Variants in THSD7B observed in about 807,000 individuals in gnomAD.
THSD7B encodes thrombospondin type 1 domain containing 7B.
THSD7B carries 138 observed loss-of-function variants against 213.6 expected under a neutral mutation model. That is an observed-to-expected ratio of 0.65 (90% confidence interval 0.56 to 0.74). The LOEUF (loss-of-function observed/expected upper bound fraction) is 0.74, where lower values mean the gene tolerates loss of function less well. Ranked by LOEUF, THSD7B falls within the 30% of genes least tolerant of loss-of-function variation. The pLI is 0.00. For synonymous variants in THSD7B, 742 were observed against 687.0 expected, an observed-to-expected ratio of 1.08 and a Z score of -1.25; for missense variants, 1,931 against 1,991.5, an observed-to-expected ratio of 0.97 and a Z score of 0.58.
At chr2:137,496,164 A>T (rs906665954) in intron 15 of THSD7B, among the ~76,000 whole-genome samples, 7 of 152,200 alleles carry the variant, frequency 4.6e-5, no homozygotes, top group African/African-American at 1.7e-4. Context: ...AAAGAAAGTT[A>T]CATTTTTAAA....
chr2:136,887,377 A>T (rs902206090), intron 2 of THSD7B, among the ~76,000 whole-genome samples: 1 of 151,536 alleles, frequency 6.6e-6, no homozygotes, highest in African/African-American at 2.4e-5. Context: ...ATTACTCTTG[A>T]TATAGTTTGG....
At chr2:137,100,796 CA>C (rs1688136076) in intron 4 of THSD7B, among the ~76,000 whole-genome samples, 2 of 152,106 alleles carry the variant, frequency 1.3e-5, no homozygotes, top group African/African-American at 4.8e-5. Flanking sequence ...AAATTGGCAT[CA>C]TCAAGGTCAA....
intron 5 of THSD7B, among the ~76,000 whole-genome samples, chr2:137,134,214 A>G (rs1476507925): frequency 6.6e-6 from 1 of 152,156 alleles, no homozygotes; most frequent in African/African-American, 2.4e-5. Context: ...GTAGAGCTGG[A>G]TTTTTGCAGC....
chr2:136,810,000 T>G (rs1396486624), intron 1 of THSD7B, among the ~76,000 whole-genome samples: 1 of 152,278 alleles, frequency 6.6e-6, no homozygotes, highest in South Asian at 2.1e-4. Context: ...TTTTTGCAGT[T>G]CCTACTCTCA....
intron 7 of THSD7B, among the ~76,000 whole-genome samples, chr2:137,209,045 A>G (rs907809675): frequency 4.6e-5 from 7 of 152,046 alleles, no homozygotes; most frequent in South Asian, 2.1e-4. Context: ...GGGAAGGGCT[A>G]TGATTATCCT....
intron 2 of THSD7B, among the ~76,000 whole-genome samples, chr2:137,029,612 A>G (rs1002202912): frequency 6.6e-6 from 1 of 152,172 alleles, no homozygotes; most frequent in Admixed American, 6.5e-5. Context: ...CTCTTTGCCA[A>G]CTATAACTGC....
intron 10 of THSD7B, among the ~76,000 whole-genome samples, chr2:137,264,063 C>T (rs1374787945): frequency 6.6e-6 from 1 of 152,118 alleles, no homozygotes; most frequent in Non-Finnish European, 1.5e-5. Flanking sequence ...AGCATAACAC[C>T]AGCACCTAGG....
intron 12 of THSD7B, among the ~76,000 whole-genome samples, chr2:137,376,713 C>T (rs1195796678): frequency 6.6e-6 from 1 of 152,142 alleles, no homozygotes; most frequent in African/African-American, 2.4e-5. Flanking sequence ...AGGCAATAGT[C>T]TGTAGAATGA....
chr2:136,861,053 A>G (rs1032612558), intron 1 of THSD7B, among the ~76,000 whole-genome samples: 6 of 152,264 alleles, frequency 3.9e-5, no homozygotes, highest in African/African-American at 1.4e-4. Context: ...GCACAAGGAC[A>G]GTACTTGGTA....
At chr2:137,056,099 G>A (rs1436013922) in intron 2 of THSD7B, among the ~76,000 whole-genome samples, 3 of 152,092 alleles carry the variant, frequency 2.0e-5, no homozygotes, top group Non-Finnish European at 4.4e-5. Context: ...AATTTGTATT[G>A]TCTACTTGAC....
At chr2:136,955,361 C>T (rs1685106796) in intron 2 of THSD7B, among the ~76,000 whole-genome samples, 1 of 152,184 alleles carries the variant, frequency 6.6e-6, no homozygotes, top group African/African-American at 2.4e-5. Context: ...TACAAAATCA[C>T]CTAGCTAAAT....
At chr2:137,386,311 C>A (rs1573997785) in intron 12 of THSD7B, among the ~76,000 whole-genome samples, 1 of 152,086 alleles carries the variant, frequency 6.6e-6, no homozygotes, top group East Asian at 1.9e-4. Context: ...TATCTTAGGC[C>A]ACTAGTGCTG....
intron 12 of THSD7B, among the ~76,000 whole-genome samples, chr2:137,283,018 T>G (rs571810660): frequency 1.1e-3 from 160 of 152,344 alleles, no homozygotes; most frequent in Non-Finnish European, 1.1e-3. Context: ...TTCACGATAA[T>G]TGATTCTTCC....
At chr2:137,099,475 C>T (rs899504368) in intron 4 of THSD7B, among the ~76,000 whole-genome samples, 2 of 152,162 alleles carry the variant, frequency 1.3e-5, no homozygotes, top group Non-Finnish European at 2.9e-5. Flanking sequence ...GATTCTGGAA[C>T]AGCTATGATT....
intron 9 of THSD7B, among the ~76,000 whole-genome samples, chr2:137,233,419 A>G (rs1039958375): frequency 6.6e-6 from 1 of 152,228 alleles, no homozygotes; most frequent in East Asian, 1.9e-4. Flanking sequence ...CAAATTTTCT[A>G]GAGCTGATCT....
chr2:137,462,950 G>C (rs1011220627), intron 15 of THSD7B, among the ~76,000 whole-genome samples: 9 of 152,058 alleles, frequency 5.9e-5, no homozygotes, highest in Non-Finnish European at 7.4e-5. Context: ...TCTTCTATCT[G>C]TGAAATTGTG....
At chr2:136,821,230 T>C (rs1682559278) in intron 1 of THSD7B, among the ~76,000 whole-genome samples, 1 of 152,172 alleles carries the variant, frequency 6.6e-6, no homozygotes, top group Non-Finnish European at 1.5e-5. Flanking sequence ...TTGTATCAGC[T>C]CGACTTGTTA....
chr2:137,172,576 C>A (rs1269687378), intron 7 of THSD7B, among the ~76,000 whole-genome samples: 2 of 152,172 alleles, frequency 1.3e-5, no homozygotes, highest in East Asian at 3.8e-4. Context: ...TCATGAATCT[C>A]TTCTGGCTTT....
intron 6 of THSD7B, among the ~76,000 whole-genome samples, chr2:137,160,844 G>A (rs113269815): frequency 7.9e-5 from 12 of 152,130 alleles, no homozygotes; most frequent in South Asian, 2.1e-4. Context: ...GGCTGGTCTC[G>A]AACTCCTGAC....
Sources: allele counts gnomAD v4.1 joint callset (sites outside exome capture counted in the v4.1 genomes callset), GRCh38; gene constraint gnomAD v4.1.1; transcripts MANE v1.5; gene names NCBI Gene and HGNC (gene_info 2026-07-23, HGNC 2026-07-21).